The following PLK3 variants were observed in gnomAD, a reference collection of about 807,000 sequenced individuals.
PLK3 encodes the protein serine/threonine-protein kinase PLK3.
A neutral mutation model predicts 71.6 loss-of-function variants in PLK3; 41 were observed. The observed-to-expected ratio is 0.57, with a 90% CI of 0.45 to 0.74. The LOEUF (loss-of-function observed/expected upper bound fraction) is 0.74. Ranked by LOEUF, PLK3 falls within the 30% of genes least tolerant of loss-of-function variation. The pLI, the probability that PLK3 is intolerant of heterozygous loss-of-function variation, is 0.00. For missense variants in PLK3, 791 were observed against 875.6 expected, an observed-to-expected ratio of 0.90 and a Z score of 1.22; for synonymous variants, 366 against 355.4, an observed-to-expected ratio of 1.03 and a Z score of -0.33.
intron 3 of PLK3, 85 bp from the exon 4 acceptor site, chr1:44,801,537 G>A: frequency 6.9e-7 from 1 of 1,447,140 alleles, no homozygotes; most frequent in East Asian, 2.3e-5. Context: ...CCAAAGCTGG[G>A]GCCCTGTTTC....
At position 44,803,200 on chromosome 1, in the gene PLK3, A is replaced by G; in HGVS notation, c.948+47A>G. On this transcript the variant is annotated intron_variant, in intron 7 of 14. Coordinates refer to ENST00000372201, the MANE Select transcript of PLK3 (RefSeq NM_004073.4). The surrounding 1 kb of genome is among the most constrained non-coding windows in gnomAD (Gnocchi z 4.3). ...TAAGTCCATCTGTGTATTCCCAGGG[A>G]TTGAAAGGGGGCAGGTGACAGGACC... 1.2e-6 allele frequency: 2 copies of G among 1,611,626 alleles called. No individual in the cohort carries two copies. Among genetic ancestry groups the G allele is most frequent in the African/African-American group, 1.3e-5 (1 of 74,818 alleles).
Position 44,800,537 on chromosome 1 carries a change from G to A in PLK3, c.74G>A (p.Gly25Glu). The change falls in exon 1 of 15, where the codon GGG (glycine) becomes GAG (glutamate). Residue 25 changes from glycine (G) to glutamate (E), a missense_variant. Physicochemically the swap from Gly to Glu is moderately conservative, Grantham distance 98 (BLOSUM62 -2). Coordinates refer to ENST00000372201, the MANE Select transcript of PLK3 (RefSeq NM_004073.4). The surrounding 1 kb of genome is among the most constrained non-coding windows in gnomAD (Gnocchi z 6.5). The stretch of plus-strand genomic sequence containing the variant: ...GCCGCCGCGCCCGCTCCCCCGGCCG[G>A]GCCCGGGCCGCCTCCGAGTGCCTTG... The part of the protein sequence containing the change: ...RAAAAPAPPA[G>E]PGPPPSALRG... 1 of 1,481,208 alleles carries A rather than the reference G, an allele frequency of 6.8e-7. No homozygotes were observed. The highest frequency in any genetic ancestry group is 2.9e-5 in the East Asian group (1 of 34,112). 91.8% of individuals were successfully genotyped at this position (1,481,208 alleles called of 1,614,324 possible).
rs779611785 is a variant in PLK3 at position 44,803,614 on chromosome 1, C to G, written c.1087C>G (p.Gln363Glu). 1.5e-5 allele frequency: 24 copies of G among 1,613,784 alleles called. No homozygotes were observed. In the East Asian group the frequency reaches 5.1e-4, roughly 34 times the overall value. Residue 363 changes from glutamine to glutamate, a missense_variant, in exon 9 of 15, where the codon CAG becomes GAG. Transcript: ENST00000372201. This position sits in a 1 kb window ranked among gnomAD's most constrained non-coding sequence, Gnocchi z 4.3. ...GRKKKSKNHAQERDEVSGLVS... is the reference protein window; with the variant it reads ...GRKKKSKNHAEERDEVSGLVS... ...TTCACCCCCAGGTAAGAATCATGCC[C>G]AGGAGAGGGATGAGGTCTCCGGTTT...
chr1:44,802,761 A>T lies in PLK3; in HGVS notation c.655A>T (p.Thr219Ser), dbSNP rs961716690. 1.9e-6 allele frequency: 3 copies of T among 1,611,484 alleles called. No homozygotes were observed. The highest frequency in any genetic ancestry group is 2.5e-6 in the Non-Finnish European group (3 of 1,178,520). ...RLEPPEQRKK[T>S]ICGTPNYVAP... ...CTCCTCCTCCCCACCCTCTTTCAGG[A>T]CCATCTGTGGCACCCCCAACTATGT... Residue 219 changes from threonine (T) to serine (S), a missense_variant and splice_region_variant, in exon 6 of 15, where the codon ACC (threonine) becomes TCC (serine). Transcript: ENST00000372201.
At chr1:44,801,405 T>C (rs922749411) in intron 3 of PLK3, among the ~76,000 whole-genome samples, 2 of 152,096 alleles carry the variant, frequency 1.3e-5, no homozygotes, top group Non-Finnish European at 1.5e-5. Context: ...AGACAGGGTT[T>C]CACCCTGTTG....
chr1:44,805,443 G>A, intron 14 of PLK3, 44 bp from the exon 15 acceptor site: 3 of 1,610,454 alleles, frequency 1.9e-6, no homozygotes, highest in Non-Finnish European at 2.5e-6. Flanking sequence ...GAGGAAGCTG[G>A]GCCCGGAGCC....
At chr1:44,801,185 T>C (rs781335487) in intron 3 of PLK3, 33 bp downstream of exon 3, 11 of 926,160 alleles carry the variant, frequency 1.2e-5, no homozygotes, top group Non-Finnish European at 1.9e-5. Flanking sequence ...GGGATGAGAG[T>C]GAGGGAGAGA....
intron 12 of PLK3, 44 bp from the exon 13 acceptor site, chr1:44,804,606 G>A (rs767676870): frequency 4.4e-5 from 70 of 1,605,786 alleles, no homozygotes; most frequent in Non-Finnish European, 5.8e-5. Flanking sequence ...CAGAGGAGGG[G>A]CATTGGTGCA....
rs992310192 is a variant in PLK3 at position 44,805,023 on chromosome 1, G to C, written c.1636-243G>C. ...GGGAGGCTGAGGCAGGAGAATGGGC[G>C]AACCCAGGAGGCGGAGCTTGCAGTG... On this transcript the variant is annotated intron_variant, in intron 13 of 14. Transcript: ENST00000372201. 1.3e-4 allele frequency: 74 copies of C among 577,888 alleles called. No homozygotes were observed. In the East Asian group the frequency reaches 2.0e-3, roughly 16 times the overall value. 35.8% of individuals were successfully genotyped at this position (577,888 alleles called of 1,614,324 possible).
In PLK3 at chr1:44,805,969, G is replaced by T; in HGVS notation, c.*291G>T. The T allele has an allele frequency of 6.6e-7, 1 of 1,518,606 alleles. No homozygotes were observed. Among genetic ancestry groups the T allele is most frequent in the Non-Finnish European group, 8.8e-7 (1 of 1,132,498 alleles). 94.1% of individuals were successfully genotyped at this position (1,518,606 alleles called of 1,614,324 possible). ...GAGCCCCAGGGGGGCCTCCTCCTAG[G>T]ATAATAAACAATTTTGCAGAATTGG... On this transcript the variant is annotated 3_prime_UTR_variant, in exon 15 of 15. Coordinates refer to ENST00000372201, the MANE Select transcript of PLK3 (RefSeq NM_004073.4).
intron 13 of PLK3, 35 bp downstream of exon 13, chr1:44,804,814 A>G: frequency 1.2e-6 from 2 of 1,607,998 alleles, no homozygotes; most frequent in Non-Finnish European, 8.5e-7. Context: ...ATTGAAACCT[A>G]ACCCATCCTG....
At chr1:44,802,573 C>T in intron 5 of PLK3, among the ~76,000 whole-genome samples, 187 bp from the exon 6 acceptor site, 1 of 152,064 alleles carries the variant, frequency 6.6e-6, no homozygotes, top group Non-Finnish European at 1.5e-5. Context: ...AGCAGCTGAG[C>T]AGCTGGGCCA....
At position 44,803,451 on chromosome 1, in the gene PLK3, G is replaced by A; in HGVS notation, c.1072+60G>A. ...AGCAGTAGAGCGGCTTGTCACATTT[G>A]TCTTGGGTGTGTGAGTGTGGGTGCC... On this transcript the variant is annotated intron_variant, in intron 8 of 14. Coordinates refer to ENST00000372201, the MANE Select transcript of PLK3 (RefSeq NM_004073.4). The surrounding 1 kb of genome is among the most constrained non-coding windows in gnomAD (Gnocchi z 4.3). 1.2e-6 allele frequency: 2 copies of A among 1,608,572 alleles called. No individual in the cohort carries two copies. The highest frequency in any genetic ancestry group is 1.3e-5 in the African/African-American group (1 of 74,962).
At chr1:44,805,220 G>T (rs751153770) in intron 13 of PLK3, 46 bp from the exon 14 acceptor site, 2 of 1,246,650 alleles carry the variant, frequency 1.6e-6, no homozygotes, top group African/African-American at 1.5e-5. Context: ...ATGGGGAGGG[G>T]GCTGTCTCAC....
In PLK3 at chr1:44,803,064, G is replaced by A. The variant is rs1396618593; in HGVS notation, c.859G>A (p.Ala287Thr). The A allele has an allele frequency of 6.2e-7, 1 of 1,613,804 alleles. No individual in the cohort carries two copies. The highest frequency in any genetic ancestry group is 8.5e-7 in the Non-Finnish European group (1 of 1,180,012). ...YTLPASLSLP[A>T]RQLLAAILRA... ...GCTGCCTGCCAGCCTCTCACTGCCT[G>A]CCCGGCAGCTCCTGGCCGCCATCCT... is the stretch of plus-strand genomic sequence containing the variant. The change falls in exon 7 of 15, where the codon GCC becomes ACC. Residue 287 changes from alanine to threonine, a missense_variant. Physicochemically the swap from Ala to Thr is moderately conservative, Grantham distance 58 (BLOSUM62 0). Coordinates refer to ENST00000372201, the MANE Select transcript of PLK3 (RefSeq NM_004073.4). This position sits in a 1 kb window ranked among gnomAD's most constrained non-coding sequence, Gnocchi z 4.3.
chr1:44,805,187 G>A lies in PLK3; in HGVS notation c.1636-79G>A, dbSNP rs565766981. 55 of 923,054 alleles carry A rather than the reference G, an allele frequency of 6.0e-5. 2 individuals are homozygous for A. In the South Asian group the frequency reaches 6.7e-4, roughly 11 times the overall value. The allele number at this position is 923,054 out of a possible 1,614,324, so 57.2% of individuals were successfully genotyped here. A position where few individuals can be genotyped will look rare whatever the true frequency, so the allele number is the denominator to read the frequency against. ...TTGGTGGTGGTTGGGGTTGCTGAAA[G>A]CTAGAGGATAAGGCATACACTAATG... On this transcript the variant is annotated intron_variant, in intron 13 of 14. Transcript: ENST00000372201.
Position 44,800,531 on chromosome 1 carries a change from C to T in PLK3, c.68C>T (p.Pro23Leu), listed in dbSNP as rs1214739101. 4.8e-6 allele frequency: 7 copies of T among 1,463,758 alleles called. No individual in the cohort carries two copies. The East Asian group carries it at 9.0e-5, about 19-fold the overall frequency. The allele number at this position is 1,463,758 out of a possible 1,614,324, so 90.7% of individuals were successfully genotyped here. Residue 23 changes from proline to leucine, a missense_variant, in exon 1 of 15, where the codon CCG (proline) becomes CTG (leucine). Pro to Leu is a moderately conservative substitution (Grantham distance 98). Coordinates refer to ENST00000372201, the MANE Select transcript of PLK3 (RefSeq NM_004073.4). The surrounding 1 kb of genome is among the most constrained non-coding windows in gnomAD (Gnocchi z 6.5). ...CGTGCGGCCGCCGCGCCCGCTCCCC[C>T]GGCCGGGCCCGGGCCGCCTCCGAGT... is the stretch of plus-strand genomic sequence containing the variant. ...FQRAAAAPAP[P>L]AGPGPPPSAL...
chr1:44,805,118 T>G (rs200571145), intron 13 of PLK3, 148 bp from the exon 14 acceptor site: 2,254 of 599,810 alleles, frequency 3.8e-3, no homozygotes, highest in East Asian at 5.1e-3. Flanking sequence ...AAAAAAAAAA[T>G]AAAGAAAAGA....
Position 44,801,227 on chromosome 1 carries a change from T to G in PLK3, c.435+75T>G, listed in dbSNP as rs1267724367. On this transcript the variant is annotated intron_variant, in intron 3 of 14. Transcript: ENST00000372201. ...TCTTTTTTTTTTTTTTTTTTTTTTTTGAGATGGAGTCTTGCTCTGTTGCCC... is the reference window on the plus strand; with the variant it reads ...TCTTTTTTTTTTTTTTTTTTTTTTTGGAGATGGAGTCTTGCTCTGTTGCCC... 5 of 869,122 alleles carry G rather than the reference T, an allele frequency of 5.8e-6. No individual in the cohort carries two copies. The African/African-American group carries it at 7.0e-5, about 12-fold the overall frequency. The allele number at this position is 869,122 out of a possible 1,614,324, so 53.8% of individuals were successfully genotyped here.
Sources: gnomAD v4.1 joint callset for allele counts (sites outside exome capture counted in the v4.1 genomes callset) on GRCh38, gnomAD v4.1.1 for gene constraint, Gnocchi (gnomAD v3.1) non-coding constraint, MANE v1.5 for transcripts, NCBI Gene and HGNC (gene_info 2026-07-23, HGNC 2026-07-21) for gene names.